The following TET2 variants were observed in gnomAD, a reference collection of about 807,000 sequenced individuals.
TET2 encodes tet methylcytosine dioxygenase 2.
TET2 carries 299 observed loss-of-function variants against 142.9 expected under a neutral mutation model. The ratio of observed to expected loss-of-function variants is 2.09; its 90% CI spans 1.90 to 2.30. The LOEUF is 2.30. Ranked by LOEUF, TET2 falls within the 30% of genes most tolerant of loss-of-function variation. The probability of loss-of-function intolerance (pLI) is 0.00; values close to 1 mark genes in which losing one functional copy is unlikely to be tolerated. For missense variants in TET2, 2,418 were observed against 2,378.0 expected, an observed-to-expected ratio of 1.02 and a Z score of -0.35; for synonymous variants, 819 against 849.0, an observed-to-expected ratio of 0.96 and a Z score of 0.61.
At chr4:105,208,771 T>C (rs1726973191) in intron 2 of TET2, among the ~76,000 whole-genome samples, 1 of 151,900 alleles carries the variant, frequency 6.6e-6, no homozygotes, top group Non-Finnish European at 1.5e-5. Flanking sequence ...TTCTTTTGTG[T>C]CTTCCTGCTT....
intron 1 of TET2, among the ~76,000 whole-genome samples, chr4:105,166,168 T>G (rs889947215): frequency 6.6e-6 from 1 of 152,160 alleles, no homozygotes; most frequent in African/African-American, 2.4e-5. Context: ...CCTAGCAGTA[T>G]GGTTGAACAT....
chr4:105,154,022 TGA>T (rs1723440509), intron 1 of TET2, among the ~76,000 whole-genome samples: 1 of 152,230 alleles, frequency 6.6e-6, no homozygotes, highest in Admixed American at 6.5e-5. Flanking sequence ...TAGGTGAATC[TGA>T]GAGGCACAAG....
intron 1 of TET2, among the ~76,000 whole-genome samples, chr4:105,187,897 A>G (rs142397325): frequency 2.6e-5 from 4 of 152,206 alleles, no homozygotes; most frequent in African/African-American, 4.8e-5. Context: ...ACCCTGACAC[A>G]TTGCTAGTGG....
At chr4:105,271,079 G>A (rs1730930754) in intron 9 of TET2, among the ~76,000 whole-genome samples, 3 of 152,160 alleles carry the variant, frequency 2.0e-5, no homozygotes, top group African/African-American at 7.2e-5. Flanking sequence ...GGCCACATAG[G>A]ATTTCTGTCA....
chr4:105,156,853 T>C (rs1723591409), intron 1 of TET2, among the ~76,000 whole-genome samples: 1 of 152,194 alleles, frequency 6.6e-6, no homozygotes, highest in Non-Finnish European at 1.5e-5. Context: ...ATCCATAACA[T>C]ACTGTCCTGG....
In TET2 at chr4:105,234,335, A is replaced by G; in HGVS notation, c.393A>G (p.Arg131=). The G allele has an allele frequency of 6.2e-7, 1 of 1,614,130 alleles. No individual in the cohort carries two copies. The highest frequency in any genetic ancestry group is 8.5e-7 in the Non-Finnish European group (1 of 1,180,014). ...GTAACTTCGGGGTAAGCCAAGAAAG[A>G]AATCCAGGTGAAAGCAGTCAACCAA... ...ERRNFGVSQE[R]NPGESSQPNV... is the part of the protein sequence containing the mutation. Residue 131 remains arginine (R), a synonymous_variant, in exon 3 of 11, where the codon AGA becomes AGG. Transcript: ENST00000380013.
chr4:105,239,658 G>A lies in TET2; in HGVS notation c.3410-1681G>A, dbSNP rs554685028. On this transcript the variant is annotated intron_variant, in intron 3 of 10. Coordinates refer to ENST00000380013, the MANE Select transcript of TET2 (RefSeq NM_001127208.3). ...GATCTTCTATCCAGACCACTAAAGC[G>A]CTCTCCATATCAGCAATAAGGCCGT... 11 of 237,198 alleles carry A rather than the reference G, an allele frequency of 4.6e-5. No individual in the cohort carries two copies. In the South Asian group the frequency reaches 1.1e-3, roughly 24 times the overall value. The allele number at this position is 237,198 out of a possible 1,614,324, so 14.7% of individuals were successfully genotyped here. A position where few individuals can be genotyped will look rare whatever the true frequency, so the allele number is the denominator to read the frequency against.
In TET2 at chr4:105,264,834, G is replaced by T. The variant is rs185542022; in HGVS notation, c.4044+2986G>T. ...GATGCTGTCATAAAACCTACTATTT[G>T]ATCTTTACCTCCTTTCCCCAACTGA... On this transcript the variant is annotated intron_variant, in intron 8 of 10. Transcript: ENST00000380013. Among the ~76,000 whole-genome samples the T allele has an allele frequency of 2.6e-5, 4 of 152,230 alleles. No homozygotes were observed. In the East Asian group the frequency reaches 5.8e-4, roughly 22 times the overall value.
At chr4:105,243,029 G>A (rs987912783) in intron 5 of TET2, 102 bp downstream of exon 5, 25 of 904,878 alleles carry the variant, frequency 2.8e-5, no homozygotes, top group African/African-American at 5.1e-5. Flanking sequence ...ACTCATGCCA[G>A]TTAAAAAGAA....
At chr4:105,148,148 G>A (rs1169308334) in intron 1 of TET2, among the ~76,000 whole-genome samples, 1 of 152,016 alleles carries the variant, frequency 6.6e-6, no homozygotes, top group Non-Finnish European at 1.5e-5. Flanking sequence ...AGCTAATAGG[G>A]TTTGTATGGA....
intron 6 of TET2, among the ~76,000 whole-genome samples, chr4:105,249,001 CTT>C (rs60525299): frequency 6.1e-5 from 8 of 131,750 alleles, no homozygotes; most frequent in Non-Finnish European, 8.0e-5. Context: ...TTTTCTTTTT[CTT>C]TTTTTTTTTT....
rs1307647955 is a variant in TET2, at chr4:105,276,838, T to C, written c.*319T>C. The C allele has an allele frequency of 3.0e-4, 46 of 155,928 alleles. No individual in the cohort carries two copies. The highest frequency in any genetic ancestry group is 7.2e-4 in the African/African-American group (18 of 25,090). The allele number at this position is 155,928 out of a possible 1,614,324, so 9.7% of individuals were successfully genotyped here. A position where few individuals can be genotyped will look rare whatever the true frequency, so the allele number is the denominator to read the frequency against. On this transcript the variant is annotated 3_prime_UTR_variant, in exon 11 of 11. Transcript: ENST00000380013. ...TGGACGAGATGATATGTAAATGTGA[T>C]CCCCCCCCCCCGCTTACAACTCTAC... is the stretch of plus-strand genomic sequence containing the variant.
intron 2 of TET2, among the ~76,000 whole-genome samples, chr4:105,226,762 T>A (rs9998069): frequency 0.091 from 13,868 of 152,142 alleles, 1,816 homozygotes; most frequent in African/African-American, 0.29. Context: ...TGCCAGTGCT[T>A]TGCCTCCTAT....
intron 2 of TET2, among the ~76,000 whole-genome samples, chr4:105,217,880 A>T (rs1025569193): frequency 2.0e-5 from 3 of 152,038 alleles, no homozygotes; most frequent in African/African-American, 7.2e-5. Context: ...ATAAAGAGAC[A>T]TGGTAGAGAC....
chr4:105,229,692 C>G (rs1024427956), intron 2 of TET2, among the ~76,000 whole-genome samples: 2 of 151,736 alleles, frequency 1.3e-5, no homozygotes, highest in African/African-American at 4.8e-5. Flanking sequence ...AATCCCCCTC[C>G]CAGTGCTTTT....
intron 7 of TET2, among the ~76,000 whole-genome samples, chr4:105,261,447 T>C (rs1730421675): frequency 6.6e-6 from 1 of 152,090 alleles, no homozygotes; most frequent in South Asian, 2.1e-4. Context: ...AGCTAAAAAA[T>C]GTGACCTCTT....
chr4:105,193,584 GA>G (rs1725910352), intron 2 of TET2, among the ~76,000 whole-genome samples: 1 of 152,082 alleles, frequency 6.6e-6, no homozygotes, highest in Non-Finnish European at 1.5e-5. Context: ...TGTTAAGAGA[GA>G]AGGGAAGATA....
intron 2 of TET2, among the ~76,000 whole-genome samples, chr4:105,204,021 C>A (rs528100999): frequency 6.6e-6 from 1 of 151,700 alleles, no homozygotes; most frequent in Non-Finnish European, 1.5e-5. Flanking sequence ...GCCAATATGG[C>A]GAAACCCTCT....
intron 6 of TET2, among the ~76,000 whole-genome samples, chr4:105,252,585 CTG>C (rs1365272233): frequency 2.0e-5 from 3 of 152,130 alleles, no homozygotes; most frequent in Non-Finnish European, 4.4e-5. Flanking sequence ...TTTTCTCAGT[CTG>C]TGTCTTATTT....
Sources: gnomAD v4.1 joint callset for allele counts (sites outside exome capture counted in the v4.1 genomes callset) on GRCh38, gnomAD v4.1.1 for gene constraint, MANE v1.5 for transcripts, NCBI Gene and HGNC (gene_info 2026-07-23, HGNC 2026-07-21) for gene names.